Variants in SPATA46 observed in about 807,000 individuals in gnomAD.
SPATA46 encodes the protein spermatogenesis associated 46.
SPATA46 carries 3 observed loss-of-function variants against 6.2 expected under a neutral mutation model. The ratio of observed to expected loss-of-function variants is 0.48; its 90% CI spans 0.22 to 1.25. The LOEUF (loss-of-function observed/expected upper bound fraction) is 1.25, where lower values mean the gene tolerates loss of function less well. Among genes scored for constraint, SPATA46 ranks in the 50% most tolerant of loss-of-function variants. The probability of loss-of-function intolerance (pLI) is 0.20; values close to 1 mark genes in which losing one functional copy is unlikely to be tolerated. For synonymous variants in SPATA46, 117 were observed against 123.3 expected (o/e 0.95, Z 0.34); for missense variants, 308 against 323.5 (o/e 0.95, Z 0.37).
In SPATA46 at chr1:162,376,611, C is replaced by T. The variant is rs189204984; in HGVS notation, c.103+77G>A. 406 of 1,348,406 alleles carry T rather than the reference C, an allele frequency of 3.0e-4. 3 individuals carry two copies. In the African/African-American group the frequency reaches 5.2e-3, roughly 17 times the overall value. The allele number at this position is 1,348,406 out of a possible 1,614,324, so 83.5% of individuals were successfully genotyped here. A position where few individuals can be genotyped will look rare whatever the true frequency, so the allele number is the denominator to read the frequency against. ...TTCTCACTAAATCATGGTCCTGTAA[C>T]ATGATCTGGTAGGGTACTCAATTAA... On this transcript the variant is annotated intron_variant, in intron 1 of 2. Coordinates refer to ENST00000367935, the MANE Select transcript of SPATA46 (RefSeq NM_182581.4).
chr1:162,376,564 T>C, intron 1 of SPATA46, 124 bp downstream of exon 1: 1 of 922,064 alleles, frequency 1.1e-6, no homozygotes, highest in South Asian at 1.8e-5. Flanking sequence ...AAAATTATTT[T>C]CTCCCCATGC....
Position 162,373,691 on chromosome 1 carries a change from G to A in SPATA46, c.*357C>T, listed in dbSNP as rs961657119. ...ACCAAGCAGAGGCCAGAATCCTAGAGCAGTGCTTCTCACAGCTGAGCTGCA... is the reference window on the plus strand; with the variant it reads ...ACCAAGCAGAGGCCAGAATCCTAGAACAGTGCTTCTCACAGCTGAGCTGCA... On this transcript the variant is annotated 3_prime_UTR_variant, in exon 3 of 3. Coordinates refer to ENST00000367935, the MANE Select transcript of SPATA46 (RefSeq NM_182581.4). 1.6e-5 allele frequency: 3 copies of A among 188,028 alleles called. No individual in the cohort carries two copies. Among genetic ancestry groups the A allele is most frequent in the South Asian group, 1.6e-4 (1 of 6,282 alleles). The allele number at this position is 188,028 out of a possible 1,614,324, so 11.6% of individuals were successfully genotyped here. A position where few individuals can be genotyped will look rare whatever the true frequency, so the allele number is the denominator to read the frequency against.
At position 162,374,599 on chromosome 1, in the gene SPATA46, T is replaced by C. The variant is rs1571257978; in HGVS notation, c.235A>G (p.Thr79Ala). 4.3e-6 allele frequency: 7 copies of C among 1,612,150 alleles called. No individual in the cohort carries two copies. The highest frequency in any genetic ancestry group is 5.9e-6 in the Non-Finnish European group (7 of 1,178,952). The part of the protein sequence containing the change: ...ALSPDCSLGD[T>A]QHGEKLRRNC... ...CGCCTCAGCTTCTCTCCGTGCTGGG[T>C]ATCCCCCAAGCTGCAGTCTGCAAAG... Residue 79 changes from threonine to alanine, a missense_variant, in exon 3 of 3, where the codon ACC (threonine) becomes GCC (alanine). Thr to Ala is a moderately conservative substitution (Grantham distance 58). Coordinates refer to ENST00000367935, the MANE Select transcript of SPATA46 (RefSeq NM_182581.4).
At position 162,374,108 on chromosome 1, in the gene SPATA46, G is replaced by C; in HGVS notation, c.726C>G (p.Ala242=). 1.2e-6 allele frequency: 2 copies of C among 1,614,112 alleles called. No individual in the cohort carries two copies. The highest frequency in any genetic ancestry group is 1.7e-6 in the Non-Finnish European group (2 of 1,179,982). ...GDRLSSGSCQ[A]FNSPAEHLRQ... is the part of the protein sequence containing the mutation. ...TAAGGTGTTCAGCAGGACTATTGAA[G>C]GCCTGGCAGCTGCCGGAGGAGAGCC... is the stretch of plus-strand genomic sequence containing the variant. The change falls in exon 3 of 3, where the codon GCC becomes GCG. Residue 242 remains alanine, a synonymous_variant. Transcript: ENST00000367935.
chr1:162,373,933 T>A lies in SPATA46; in HGVS notation c.*115A>T. ...AAAGGGGAGGGTGTGTGCCTGGTGT[T>A]GCTAGGCAACCATTAGCCAAAGGTG... On this transcript the variant is annotated 3_prime_UTR_variant, in exon 3 of 3. Transcript: ENST00000367935. 1 of 1,045,808 alleles carries A rather than the reference T, an allele frequency of 9.6e-7. No homozygotes were observed. The allele number at this position is 1,045,808 out of a possible 1,614,324, so 64.8% of individuals were successfully genotyped here. A position where few individuals can be genotyped will look rare whatever the true frequency, so the allele number is the denominator to read the frequency against.
At chr1:162,375,188 A>G (rs773947966) in intron 2 of SPATA46, 102 bp downstream of exon 2, 2 of 1,012,534 alleles carry the variant, frequency 2.0e-6, no homozygotes, top group Non-Finnish European at 3.1e-6. Context: ...AAGACCGCGC[A>G]TGGGGGTCCA....
At chr1:162,375,247 T>C (rs771890402) in intron 2 of SPATA46, 43 bp downstream of exon 2, 6 of 1,525,932 alleles carry the variant, frequency 3.9e-6, no homozygotes, top group South Asian at 1.1e-5. Flanking sequence ...TTTTCATCCT[T>C]AGCCTCTCAC....
rs776059118 is a variant in SPATA46 at position 162,374,607 on chromosome 1, A to G, written c.227T>C (p.Leu76Ser). ...CTTCTCTCCGTGCTGGGTATCCCCC[A>G]AGCTGCAGTCTGCAAAGGAAAGGAC... ...QNTALSPDCS[L>S]GDTQHGEKLR... Residue 76 changes from leucine (L) to serine (S), a missense_variant, in exon 3 of 3, where the codon TTG becomes TCG. Leu to Ser is a moderately radical substitution (Grantham distance 145, BLOSUM62 -2). Coordinates refer to ENST00000367935, the MANE Select transcript of SPATA46 (RefSeq NM_182581.4). The G allele has an allele frequency of 1.9e-6, 3 of 1,608,924 alleles. No homozygotes were observed. Among genetic ancestry groups the G allele is most frequent in the South Asian group, 1.1e-5 (1 of 90,110 alleles).
Position 162,374,124 on chromosome 1 carries a change from GA to G in SPATA46, c.709del (p.Ser237ProfsTer40). ...QKARLGDRLS[S>X]GSCQAFNSPA... is the part of the protein sequence containing the mutation. ...ACTATTGAAGGCCTGGCAGCTGCCG[GA>G]GGAGAGCCTGTCTCCCAGCCGGGCC... On this transcript the variant is annotated frameshift_variant, in exon 3 of 3. Transcript: ENST00000367935. LOFTEE classifies it low-confidence loss of function (END_TRUNC). 1 of 1,614,218 alleles carries G rather than the reference GA, an allele frequency of 6.2e-7. No individual in the cohort carries two copies. Among genetic ancestry groups the G allele is most frequent in the Non-Finnish European group, 8.5e-7 (1 of 1,180,036 alleles).
chr1:162,376,654 A>C (rs1269933586), intron 1 of SPATA46, 34 bp downstream of exon 1: 1 of 1,578,872 alleles, frequency 6.3e-7, no homozygotes, highest in African/African-American at 1.4e-5. Flanking sequence ...AAAAAAAACC[A>C]CATCTTTGTG....
Position 162,374,635 on chromosome 1 carries a change from G to T in SPATA46, c.218-19C>A, listed in dbSNP as rs971256378. ...CTGCAGTCTGCAAAGGAAAGGACCA[G>T]GTCTGAGTCTCTGGCAGGGAGCAGT... On this transcript the variant is annotated intron_variant, in intron 2 of 2. Coordinates refer to ENST00000367935, the MANE Select transcript of SPATA46 (RefSeq NM_182581.4). 7 of 1,584,812 alleles carry T rather than the reference G, an allele frequency of 4.4e-6. No homozygotes were observed. The highest frequency in any genetic ancestry group is 6.0e-6 in the Non-Finnish European group (7 of 1,165,012).
chr1:162,376,676 A>G lies in SPATA46; in HGVS notation c.103+12T>C, dbSNP rs1472631239. 2 of 1,611,086 alleles carry G rather than the reference A, an allele frequency of 1.2e-6. No homozygotes were observed. Among genetic ancestry groups the G allele is most frequent in the Admixed American group, 1.7e-5 (1 of 59,990 alleles). On this transcript the variant is annotated intron_variant, in intron 1 of 2. Coordinates refer to ENST00000367935, the MANE Select transcript of SPATA46 (RefSeq NM_182581.4). The stretch of plus-strand genomic sequence containing the variant: ...ACCACATCTTTGTGGCCCTAGTGGC[A>G]CCAAAGTTTACCTGGCAGGCTGGTG...
Position 162,375,416 on chromosome 1 carries a change from A to G in SPATA46, c.104-13T>C. 6.2e-7 allele frequency: 1 copy of G among 1,610,048 alleles called. No individual in the cohort carries two copies. The highest frequency in any genetic ancestry group is 1.1e-5 in the South Asian group (1 of 90,994). On this transcript the variant is annotated splice_polypyrimidine_tract_variant and intron_variant, in intron 1 of 2. Transcript: ENST00000367935. ...GTCTTTGCAATGTCTGGGTTATAGAAGAAACACTGGTGAGCTGAGCAAGGT... is the reference window on the plus strand; with the variant it reads ...GTCTTTGCAATGTCTGGGTTATAGAGGAAACACTGGTGAGCTGAGCAAGGT...
At position 162,373,969 on chromosome 1, in the gene SPATA46, G is replaced by T; in HGVS notation, c.*79C>A. On this transcript the variant is annotated 3_prime_UTR_variant, in exon 3 of 3. Coordinates refer to ENST00000367935, the MANE Select transcript of SPATA46 (RefSeq NM_182581.4). The stretch of plus-strand genomic sequence containing the variant: ...CATTAGCCAAAGGTGATGAGAGCCG[G>T]GTTCTGGGAAGGACAGCAGGCTGTG... The T allele has an allele frequency of 7.0e-7, 1 of 1,428,034 alleles. No individual in the cohort carries two copies. Among genetic ancestry groups the T allele is most frequent in the East Asian group, 2.3e-5 (1 of 42,960 alleles). The allele number at this position is 1,428,034 out of a possible 1,614,324, so 88.5% of individuals were successfully genotyped here.
intron 2 of SPATA46, 31 bp from the exon 3 acceptor site, chr1:162,374,647 T>C: frequency 6.4e-7 from 1 of 1,572,540 alleles, no homozygotes; most frequent in Non-Finnish European, 8.6e-7. Context: ...TCTGAGTCTC[T>C]GGCAGGGAGC....
intron 2 of SPATA46, among the ~76,000 whole-genome samples, chr1:162,374,862 T>A (rs1647594279): frequency 6.6e-6 from 1 of 152,182 alleles, no homozygotes; most frequent in Non-Finnish European, 1.5e-5. Context: ...CTGCTTTTAG[T>A]TGGTAAGCCT....
At chr1:162,374,673 G>A (rs1647585610) in intron 2 of SPATA46, 57 bp from the exon 3 acceptor site, 1 of 1,518,586 alleles carries the variant, frequency 6.6e-7, no homozygotes, top group Non-Finnish European at 8.9e-7. Flanking sequence ...AGCCAAGGAT[G>A]CTGGAGCAGA....
At chr1:162,374,669 G>A in intron 2 of SPATA46, 53 bp from the exon 3 acceptor site, 1 of 1,527,196 alleles carries the variant, frequency 6.5e-7, no homozygotes, top group Non-Finnish European at 8.8e-7. Flanking sequence ...GTGGAGCCAA[G>A]GATGCTGGAG....
rs527533868 is a variant in SPATA46, at chr1:162,374,098, G to A, written c.736C>T (p.Pro246Ser). ...CCAATTTGCCTAAGGTGTTCAGCAG[G>A]ACTATTGAAGGCCTGGCAGCTGCCG... Reference protein sequence around the residue: ...SSGSCQAFNSPAEHLRQIGGE... With the variant: ...SSGSCQAFNSSAEHLRQIGGE... Residue 246 changes from proline (P) to serine (S), a missense_variant, in exon 3 of 3, where the codon CCT becomes TCT. Pro to Ser is a moderately conservative substitution (Grantham distance 74). Transcript: ENST00000367935. 8 of 1,613,862 alleles carry A rather than the reference G, an allele frequency of 5.0e-6. No homozygotes were observed. The African/African-American group carries it at 8.0e-5, about 16-fold the overall frequency.
Sources: gnomAD v4.1 joint callset for allele counts (sites outside exome capture counted in the v4.1 genomes callset) on GRCh38, gnomAD v4.1.1 for gene constraint, MANE v1.5 for transcripts, NCBI Gene and HGNC (gene_info 2026-07-23, HGNC 2026-07-21) for gene names.